GRID2: variants seen among roughly 807,000 people sequenced by gnomAD.
GRID2 encodes glutamate receptor ionotropic, delta-2.
Under a neutral mutation model 114.8 loss-of-function variants are expected in GRID2, and 33 were observed. That is an observed-to-expected ratio of 0.29 (90% CI 0.22 to 0.38). The LOEUF (loss-of-function observed/expected upper bound fraction) is 0.38, where lower values mean the gene tolerates loss of function less well. Among genes scored for constraint, GRID2 ranks in the 10% least tolerant of loss-of-function variants. The pLI is 1.00. For missense variants in GRID2, 1,184 were observed against 1,257.7 expected (o/e 0.94, Z 0.89); for synonymous variants, 505 against 449.9 (o/e 1.12, Z -1.55).
intron 1 of GRID2, among the ~76,000 whole-genome samples, chr4:92,340,719 A>G (rs2110161837): frequency 6.6e-6 from 1 of 152,350 alleles, no homozygotes; most frequent in East Asian, 1.9e-4. Context: ...ATTGAATTAT[A>G]ATTTTTATTC....
At chr4:92,784,775 G>A (rs1739241220) in intron 2 of GRID2, among the ~76,000 whole-genome samples, 1 of 151,786 alleles carries the variant, frequency 6.6e-6, no homozygotes, top group Non-Finnish European at 1.5e-5. Context: ...GTGAAAAATA[G>A]CAAACCAGGT....
intron 13 of GRID2, among the ~76,000 whole-genome samples, chr4:93,543,667 C>T (rs1428789420): frequency 7.2e-6 from 1 of 138,734 alleles, no homozygotes; most frequent in Admixed American, 7.2e-5. Flanking sequence ...GGAGTGAGAG[C>T]AAGAGAATGA....
At chr4:92,325,224 A>G (rs547170590) in intron 1 of GRID2, among the ~76,000 whole-genome samples, 2 of 152,026 alleles carry the variant, frequency 1.3e-5, no homozygotes, top group South Asian at 2.1e-4. Flanking sequence ...GCACTTATGG[A>G]CAATTAATTT....
intron 1 of GRID2, among the ~76,000 whole-genome samples, chr4:92,398,411 C>T (rs908715091): frequency 2.6e-5 from 4 of 152,238 alleles, no homozygotes; most frequent in Middle Eastern, 3.4e-3. Flanking sequence ...AGTGATCCTC[C>T]TGCCTCGGCC....
intron 2 of GRID2, among the ~76,000 whole-genome samples, chr4:92,594,362 CT>C (rs1560478509): frequency 1.3e-5 from 2 of 151,760 alleles, no homozygotes; most frequent in African/African-American, 4.8e-5. Context: ...CAATCTTGTT[CT>C]TTTGGCCTTG....
intron 14 of GRID2, among the ~76,000 whole-genome samples, chr4:93,665,272 C>A (rs1351673113): frequency 3.3e-5 from 5 of 152,096 alleles, no homozygotes; most frequent in African/African-American, 1.2e-4. Flanking sequence ...GGCTTTATTC[C>A]TTTGCAATTT....
At chr4:92,593,183 G>A (rs571410628) in intron 2 of GRID2, among the ~76,000 whole-genome samples, 1 of 151,964 alleles carries the variant, frequency 6.6e-6, no homozygotes, top group Non-Finnish European at 1.5e-5. Flanking sequence ...AAATTTGAAA[G>A]TCTCATCCTT....
chr4:93,184,919 TC>T (rs1740262314), intron 4 of GRID2, among the ~76,000 whole-genome samples: 2 of 152,014 alleles, frequency 1.3e-5, no homozygotes, highest in African/African-American at 4.8e-5. Flanking sequence ...ATATCCACTC[TC>T]CCAGGTACTT....
At chr4:92,452,107 C>A (rs573413929) in intron 1 of GRID2, among the ~76,000 whole-genome samples, 1 of 152,124 alleles carries the variant, frequency 6.6e-6, no homozygotes, top group Non-Finnish European at 1.5e-5. Context: ...ACAGGTAAAG[C>A]AGTGTCATGG....
chr4:92,888,394 C>A (rs958010471), intron 2 of GRID2, among the ~76,000 whole-genome samples: 9 of 151,910 alleles, frequency 5.9e-5, no homozygotes, highest in African/African-American at 2.2e-4. Context: ...TGTAATCTTT[C>A]GAATTTGCCC....
At chr4:93,588,751 G>A (rs1737803989) in intron 13 of GRID2, among the ~76,000 whole-genome samples, 1 of 152,124 alleles carries the variant, frequency 6.6e-6, no homozygotes, top group Non-Finnish European at 1.5e-5. Context: ...TGAAGGCCAA[G>A]GCCTGAGAAA....
chr4:93,548,792 C>T (rs1009155732), intron 13 of GRID2, among the ~76,000 whole-genome samples: 1 of 152,116 alleles, frequency 6.6e-6, no homozygotes, highest in Non-Finnish European at 1.5e-5. Flanking sequence ...CTGCCTACTG[C>T]TAATATTCCT....
chr4:92,485,301 CATATAT>C (rs34583484), intron 1 of GRID2, among the ~76,000 whole-genome samples: 6,574 of 56,158 alleles, frequency 0.12, 432 homozygotes, highest in South Asian at 0.14. Flanking sequence ...AAGGTGTGTG[CATATAT>C]ATATATATAT....
intron 2 of GRID2, among the ~76,000 whole-genome samples, chr4:92,591,210 C>G (rs898471562): frequency 6.6e-6 from 1 of 152,112 alleles, no homozygotes; most frequent in Non-Finnish European, 1.5e-5. Context: ...AACTTGCCTG[C>G]CCCTTCTGCC....
intron 2 of GRID2, among the ~76,000 whole-genome samples, chr4:92,799,295 A>G (rs1247470603): frequency 6.6e-6 from 1 of 151,800 alleles, no homozygotes; most frequent in African/African-American, 2.4e-5. Flanking sequence ...TGATAACCTA[A>G]TGCTGCTGCT....
chr4:93,686,647 CT>C (rs1726106525), intron 14 of GRID2, among the ~76,000 whole-genome samples: 7 of 152,016 alleles, frequency 4.6e-5, no homozygotes, highest in Admixed American at 4.6e-4. Flanking sequence ...TAGGACAGAT[CT>C]TTTTGATAAA....
At chr4:93,148,666 A>G (rs1736469112) in intron 4 of GRID2, among the ~76,000 whole-genome samples, 1 of 152,150 alleles carries the variant, frequency 6.6e-6, no homozygotes, top group Non-Finnish European at 1.5e-5. Flanking sequence ...AATAACATGT[A>G]TAAATAGGCT....
At chr4:93,235,879 A>G (rs2149509019) in intron 7 of GRID2, among the ~76,000 whole-genome samples, 1 of 152,196 alleles carries the variant, frequency 6.6e-6, no homozygotes. Flanking sequence ...AAATAATAAC[A>G]CAACACCAGA....
intron 2 of GRID2, among the ~76,000 whole-genome samples, chr4:92,734,347 G>A (rs10000809): frequency 0.02 from 2,988 of 151,886 alleles, 97 homozygotes; most frequent in African/African-American, 0.068. Context: ...ATGAAGTGCA[G>A]TGTTGCTCAC....
Sources: allele counts gnomAD v4.1 joint callset (sites outside exome capture counted in the v4.1 genomes callset), GRCh38; gene constraint gnomAD v4.1.1; transcripts MANE v1.5; gene names NCBI Gene and HGNC (gene_info 2026-07-23, HGNC 2026-07-21).